Variants in RASGRF2 observed in about 807,000 individuals in gnomAD.
RASGRF2 encodes the protein ras-specific guanine nucleotide-releasing factor 2.
In RASGRF2, 76 loss-of-function variants were observed where a neutral mutation model predicts 151.0. The observed-to-expected ratio is 0.50, with a 90% CI of 0.42 to 0.61. RASGRF2 has a LOEUF of 0.61. Ranked by LOEUF, RASGRF2 falls within the 20% of genes least tolerant of loss-of-function variation. The probability of loss-of-function intolerance (pLI) is 0.00; values close to 1 mark genes in which losing one functional copy is unlikely to be tolerated. For synonymous variants in RASGRF2, 504 were observed against 566.5 expected (o/e 0.89, Z 1.57); for missense variants, 1,148 against 1,564.6 (o/e 0.73, Z 4.49).
intron 18 of RASGRF2, among the ~76,000 whole-genome samples, chr5:81,189,046 AG>A (rs1278960748): frequency 6.6e-6 from 1 of 152,220 alleles, no homozygotes; most frequent in East Asian, 1.9e-4. Flanking sequence ...TGTTGCTCAA[AG>A]GATTTGTACT....
At chr5:80,990,634 A>C (rs1240037418) in intron 1 of RASGRF2, among the ~76,000 whole-genome samples, 1 of 152,036 alleles carries the variant, frequency 6.6e-6, no homozygotes, top group South Asian at 2.1e-4. Context: ...CCAGTGCCCC[A>C]CTGGGCTCCT....
intron 17 of RASGRF2, among the ~76,000 whole-genome samples, chr5:81,178,043 T>A (rs1754814808): frequency 6.6e-6 from 1 of 152,174 alleles, no homozygotes; most frequent in Admixed American, 6.5e-5. Context: ...GAACAACACA[T>A]CCTAATTTTC....
intron 17 of RASGRF2, among the ~76,000 whole-genome samples, chr5:81,154,092 A>G (rs2114972): frequency 0.2 from 30,894 of 152,130 alleles, 3,260 homozygotes; most frequent in East Asian, 0.37. Flanking sequence ...AAGGACAAAT[A>G]GACATTTCAG....
intron 16 of RASGRF2, 110 bp downstream of exon 16, chr5:81,123,877 C>T (rs1753382349): frequency 7.4e-7 from 1 of 1,352,638 alleles, no homozygotes; most frequent in Admixed American, 2.6e-5. Flanking sequence ...TTTAGTCTCA[C>T]TTATTGAAAA....
intron 23 of RASGRF2, among the ~76,000 whole-genome samples, chr5:81,214,903 GAAGATC>G (rs1755701087): frequency 6.6e-6 from 1 of 152,210 alleles, no homozygotes. Flanking sequence ...AATGGATGAA[GAAGATC>G]ACAAAAGAAA....
At chr5:81,007,422 G>A (rs1395227310) in intron 1 of RASGRF2, among the ~76,000 whole-genome samples, 1 of 152,134 alleles carries the variant, frequency 6.6e-6, no homozygotes, top group Non-Finnish European at 1.5e-5. Flanking sequence ...CCCTGAGGAA[G>A]GGGTTCATTC....
At chr5:81,059,930 G>A (rs560558761) in intron 2 of RASGRF2, among the ~76,000 whole-genome samples, 1 of 152,312 alleles carries the variant, frequency 6.6e-6, no homozygotes, top group African/African-American at 2.4e-5. Context: ...AGTTCTGCAG[G>A]CTGTACAAGC....
intron 13 of RASGRF2, among the ~76,000 whole-genome samples, chr5:81,112,110 A>G (rs17291560): frequency 0.074 from 11,326 of 152,254 alleles, 423 homozygotes; most frequent in South Asian, 0.12. Context: ...CTGGCTTTCC[A>G]AAAACTTGAT....
chr5:81,198,632 G>C (rs571323403), intron 18 of RASGRF2, among the ~76,000 whole-genome samples: 4 of 151,986 alleles, frequency 2.6e-5, no homozygotes, highest in African/African-American at 7.3e-5. Context: ...GTAGAGACGG[G>C]GTTTCACCGT....
chr5:80,969,414 G>A lies in RASGRF2; in HGVS notation c.288+8388G>A, dbSNP rs551830394. ...CTCCCAAAGTGTTGGGTTTACAGGC[G>A]TGAGCCACCACGACTGGCCAGCACT... On this transcript the variant is annotated intron_variant, in intron 1 of 26. Coordinates refer to ENST00000265080, the MANE Select transcript of RASGRF2 (RefSeq NM_006909.3). Among the ~76,000 whole-genome samples, 203 of 150,494 alleles carry A rather than the reference G, an allele frequency of 1.3e-3. 3 individuals are homozygous for A. The highest frequency in any genetic ancestry group is 6.2e-4 in the Non-Finnish European group (42 of 67,730).
chr5:81,225,927 C>A lies in RASGRF2; in HGVS notation c.*157C>A. Reference sequence around the variant, plus strand: ...TGGAATTCTGTCTCCAGAGAGAAACCCAGCTGTTTGGGTCAAAGACAGATG... The same window carrying A: ...TGGAATTCTGTCTCCAGAGAGAAACACAGCTGTTTGGGTCAAAGACAGATG... On this transcript the variant is annotated 3_prime_UTR_variant, in exon 27 of 27. Transcript: ENST00000265080. 2 of 780,116 alleles carry A rather than the reference C, an allele frequency of 2.6e-6. No homozygotes were observed. Among genetic ancestry groups the A allele is most frequent in the Non-Finnish European group, 3.7e-6 (2 of 540,378 alleles). 48.3% of individuals were successfully genotyped at this position (780,116 alleles called of 1,614,324 possible).
chr5:81,050,768 G>A (rs1750986413), intron 2 of RASGRF2, among the ~76,000 whole-genome samples: 1 of 152,146 alleles, frequency 6.6e-6, no homozygotes, highest in Non-Finnish European at 1.5e-5. Context: ...TTCGCTCGAA[G>A]CACCTAAGAA....
chr5:81,113,479 A>G, intron 14 of RASGRF2, 59 bp from the exon 15 acceptor site: 1 of 1,483,372 alleles, frequency 6.7e-7, no homozygotes. Context: ...CTTGAATGAC[A>G]TCTGGGAATT....
chr5:81,001,297 T>C (rs1004163920), intron 1 of RASGRF2, among the ~76,000 whole-genome samples: 4 of 152,208 alleles, frequency 2.6e-5, no homozygotes, highest in African/African-American at 9.6e-5. Context: ...TACTAGGAGC[T>C]AATGAGGCTT....
At chr5:80,965,221 C>T (rs1747686999) in intron 1 of RASGRF2, among the ~76,000 whole-genome samples, 1 of 152,036 alleles carries the variant, frequency 6.6e-6, no homozygotes, top group Non-Finnish European at 1.5e-5. Context: ...TGCGTGCGAA[C>T]TCTGAAATAT....
chr5:81,088,010 CAT>C (rs1580299744), intron 9 of RASGRF2: 4 of 152,284 alleles, frequency 2.6e-5, no homozygotes, highest in Admixed American at 2.6e-4. Context: ...AGAAACCACA[CAT>C]ATGTTAAAGT....
chr5:81,093,815 G>A (rs911530300), intron 10 of RASGRF2, among the ~76,000 whole-genome samples: 2 of 152,164 alleles, frequency 1.3e-5, no homozygotes, highest in African/African-American at 2.4e-5. Flanking sequence ...GCAGATCTGA[G>A]TAGTTGTGAC....
rs779571569 is a variant in RASGRF2 at position 81,073,159 on chromosome 5, T to C, written c.634-40T>C. 3.3e-5 allele frequency: 52 copies of C among 1,581,062 alleles called. No individual in the cohort carries two copies. In the South Asian group the frequency reaches 5.0e-4, roughly 15 times the overall value. ...TTCTTTTCCATAAATAAATCACCATTGTAACTAGTCAGATTCCTTTCTGAT... is the reference window on the plus strand; with the variant it reads ...TTCTTTTCCATAAATAAATCACCATCGTAACTAGTCAGATTCCTTTCTGAT... On this transcript the variant is annotated intron_variant, in intron 4 of 26. Transcript: ENST00000265080.
At chr5:80,976,488 C>T (rs1273674633) in intron 1 of RASGRF2, among the ~76,000 whole-genome samples, 3 of 152,198 alleles carry the variant, frequency 2.0e-5, no homozygotes, top group Non-Finnish European at 4.4e-5. Flanking sequence ...ATGTTTTTGT[C>T]TTCAGTCTCA....
Sources: allele counts gnomAD v4.1 joint callset (sites outside exome capture counted in the v4.1 genomes callset), GRCh38; gene constraint gnomAD v4.1.1; transcripts MANE v1.5; gene names NCBI Gene and HGNC (gene_info 2026-07-23, HGNC 2026-07-21).